MAP3K13: variants seen among roughly 807,000 people sequenced by gnomAD.
The protein encoded by MAP3K13 is mitogen-activated protein kinase kinase kinase 13, also known as leucine zipper-bearing kinase.
Under a neutral mutation model 104.0 loss-of-function variants are expected in MAP3K13, and 52 were observed. The ratio of observed to expected loss-of-function variants is 0.50; its 90% CI spans 0.40 to 0.63. The LOEUF is 0.63. Ranked by LOEUF, MAP3K13 falls within the 20% of genes least tolerant of loss-of-function variation. The pLI, the probability that MAP3K13 is intolerant of heterozygous loss-of-function variation, is 0.00. For missense variants in MAP3K13, 914 were observed against 1,218.5 expected (o/e 0.75, Z 3.72); for synonymous variants, 394 against 442.2 (o/e 0.89, Z 1.37).
At chr3:185,295,981 A>C (rs7427279) in intron 2 of MAP3K13, among the ~76,000 whole-genome samples, 120,189 of 152,214 alleles carry the variant, frequency 0.79, 47,786 homozygotes, top group Non-Finnish European at 0.84. Flanking sequence ...AGTGCTCACG[A>C]CTGCAATTCC....
At chr3:185,468,410 T>A (rs1346504635) in intron 10 of MAP3K13, among the ~76,000 whole-genome samples, 2 of 152,224 alleles carry the variant, frequency 1.3e-5, no homozygotes, top group African/African-American at 4.8e-5. Context: ...TACTACATAT[T>A]TGCCTTGTAT....
chr3:185,455,736 GAGATATATATATGAT>G (rs1716644648), intron 7 of MAP3K13, among the ~76,000 whole-genome samples: 2 of 23,606 alleles, frequency 8.5e-5, no homozygotes, highest in Non-Finnish European at 2.0e-4. Context: ...ATATATATAT[GAGATATATATATGAT>G]ATATATATGA....
Position 185,423,930 on chromosome 3 carries a change from C to T in MAP3K13, c.-85-4567C>T, listed in dbSNP as rs1001533080. Among the ~76,000 whole-genome samples the T allele has an allele frequency of 6.6e-6, 1 of 152,304 alleles. No homozygotes were observed. The highest frequency in any genetic ancestry group is 2.1e-4 in the South Asian group (1 of 4,826). On this transcript the variant is annotated intron_variant, in intron 1 of 13. Coordinates refer to ENST00000265026, the MANE Select transcript of MAP3K13 (RefSeq NM_004721.5). This position sits in a 1 kb window ranked among gnomAD's most constrained non-coding sequence, Gnocchi z 4.1. The stretch of plus-strand genomic sequence containing the variant: ...TGATTTCCTTCCGTCTGTCACACGC[C>T]TTACCTTTAAAGGTCCATCTCAAAT...
At chr3:185,322,911 G>A (rs543313920) in intron 2 of MAP3K13, among the ~76,000 whole-genome samples, 1 of 152,138 alleles carries the variant, frequency 6.6e-6, no homozygotes, top group Admixed American at 6.5e-5. Context: ...TTACCCTAAT[G>A]TAGGCCCTCG....
intron 7 of MAP3K13, among the ~76,000 whole-genome samples, chr3:185,457,849 A>G (rs1716856291): frequency 6.6e-6 from 1 of 152,144 alleles, no homozygotes; most frequent in South Asian, 2.1e-4. Context: ...TGAACTGGCT[A>G]GTGAGGTACT....
intron 2 of MAP3K13, among the ~76,000 whole-genome samples, chr3:185,354,246 T>A (rs1167343958): frequency 6.6e-6 from 1 of 151,456 alleles, no homozygotes; most frequent in Non-Finnish European, 1.5e-5. Flanking sequence ...ACAGGACATA[T>A]CTATCTGCTA....
chr3:185,379,949 G>A lies in MAP3K13; in HGVS notation c.-86+16581G>A, dbSNP rs530730151. 4.6e-5 allele frequency among the ~76,000 whole-genome samples: 7 copies of A among 152,156 alleles called. No individual in the cohort carries two copies. The East Asian group carries it at 1.4e-3, about 30-fold the overall frequency. ...GCCTGTAATCCAAGCACTTTGGGGG[G>A]CCGAGGCGGGTGGATCACCTGAGGT... On this transcript the variant is annotated intron_variant, in intron 1 of 13. Coordinates refer to ENST00000265026, the MANE Select transcript of MAP3K13 (RefSeq NM_004721.5).
intron 2 of MAP3K13, among the ~76,000 whole-genome samples, chr3:185,429,302 A>G (rs1714613776): frequency 1.3e-5 from 2 of 152,242 alleles, no homozygotes; most frequent in Non-Finnish European, 2.9e-5. Flanking sequence ...TACAGTACAT[A>G]TAAAACAATC....
chr3:185,483,157 G>GACAA lies in MAP3K13; in HGVS notation c.*720_*723dup, dbSNP rs575867323. ...GTGCTTCCTCTAGGAGGGAAAAACA[G>GACAA]ACAAACAAACAAACAAACAAACCTG... On this transcript the variant is annotated 3_prime_UTR_variant, in exon 14 of 14. Transcript: ENST00000265026. 145 of 233,072 alleles carry GACAA rather than the reference G, an allele frequency of 6.2e-4. No individual in the cohort carries two copies. The highest frequency in any genetic ancestry group is 2.0e-3 in the African/African-American group (90 of 45,452). 14.4% of individuals were successfully genotyped at this position (233,072 alleles called of 1,614,324 possible).
chr3:185,476,392 A>C (rs1718131953), intron 11 of MAP3K13: 1 of 152,002 alleles, frequency 6.6e-6, no homozygotes, highest in African/African-American at 2.4e-5. Context: ...TCAGAATACA[A>C]ATGAGTAAGA....
chr3:185,427,829 A>G (rs971881296), intron 1 of MAP3K13, among the ~76,000 whole-genome samples: 1 of 152,188 alleles, frequency 6.6e-6, no homozygotes, highest in Non-Finnish European at 1.5e-5. Flanking sequence ...CTGTAATCCC[A>G]ACACTTTGGG....
intron 2 of MAP3K13, among the ~76,000 whole-genome samples, chr3:185,339,758 C>G (rs1219581850): frequency 6.6e-6 from 1 of 152,206 alleles, no homozygotes; most frequent in Non-Finnish European, 1.5e-5. Context: ...AAGCAGCCAG[C>G]TGGATTTGGC....
intron 2 of MAP3K13, among the ~76,000 whole-genome samples, chr3:185,294,016 T>C (rs1034635734): frequency 3.3e-5 from 5 of 152,200 alleles, no homozygotes; most frequent in African/African-American, 1.2e-4. Context: ...TTTTAATTTT[T>C]TTTTACTTGT....
chr3:185,414,400 G>A (rs1713625135), intron 1 of MAP3K13, among the ~76,000 whole-genome samples: 1 of 152,154 alleles, frequency 6.6e-6, no homozygotes, highest in South Asian at 2.1e-4. Context: ...AAAAGGACAA[G>A]GTACAGAGAT....
intron 1 of MAP3K13, among the ~76,000 whole-genome samples, chr3:185,395,548 C>T (rs1712353658): frequency 6.9e-6 from 1 of 145,920 alleles, no homozygotes; most frequent in Non-Finnish European, 1.5e-5. Context: ...TTAGCAGAGA[C>T]GGGGTTTCAC....
At chr3:185,297,222 A>C (rs1720946372) in intron 2 of MAP3K13, among the ~76,000 whole-genome samples, 1 of 152,236 alleles carries the variant, frequency 6.6e-6, no homozygotes, top group South Asian at 2.1e-4. Flanking sequence ...GCTCTGCTAC[A>C]TTTGAGAGAT....
intron 2 of MAP3K13, among the ~76,000 whole-genome samples, chr3:185,323,103 T>C (rs939621962): frequency 1.3e-5 from 2 of 152,218 alleles, no homozygotes; most frequent in Non-Finnish European, 2.9e-5. Flanking sequence ...TAGAGATGTA[T>C]AGAAAATCTG....
chr3:185,321,787 A>G (rs1241107287), intron 2 of MAP3K13, among the ~76,000 whole-genome samples: 1 of 152,094 alleles, frequency 6.6e-6, no homozygotes, highest in African/African-American at 2.4e-5. Context: ...TATTTTTAGT[A>G]GAGACAAGGT....
chr3:185,426,938 C>T lies in MAP3K13; in HGVS notation c.-85-1559C>T, dbSNP rs6793979. ...TTTTTTGTTGGTCTTTCTTTTACCCCCTCTGCAAAATGAGGTCATCTTCAT... is the reference window on the plus strand; with the variant it reads ...TTTTTTGTTGGTCTTTCTTTTACCCTCTCTGCAAAATGAGGTCATCTTCAT... On this transcript the variant is annotated intron_variant, in intron 1 of 13. Transcript: ENST00000265026. Among the ~76,000 whole-genome samples the T allele has an allele frequency of 3.2e-3, 485 of 152,238 alleles. 4 individuals carry two copies. Among genetic ancestry groups the T allele is most frequent in the African/African-American group, 0.011 (467 of 41,550 alleles).
Sources: allele counts gnomAD v4.1 joint callset (sites outside exome capture counted in the v4.1 genomes callset), GRCh38; gene constraint gnomAD v4.1.1; non-coding constraint Gnocchi (gnomAD v3.1); transcripts MANE v1.5; gene names NCBI Gene and HGNC (gene_info 2026-07-23, HGNC 2026-07-21).